The following CSMD1 variants were observed in gnomAD, a reference collection of about 807,000 sequenced individuals.
The protein encoded by CSMD1 is CUB and Sushi multiple domains 1.
Under a neutral mutation model 417.5 loss-of-function variants are expected in CSMD1, and 213 were observed. The ratio of observed to expected loss-of-function variants is 0.51; its 90% confidence interval spans 0.46 to 0.57. The LOEUF is 0.57. Ranked by LOEUF, CSMD1 falls within the 20% of genes least tolerant of loss-of-function variation. The probability of loss-of-function intolerance (pLI) is 0.00; values close to 1 mark genes in which losing one functional copy is unlikely to be tolerated. For missense variants in CSMD1, 6,923 were observed against 4,529.7 expected, an observed-to-expected ratio of 1.53 and a Z score of -15.17; for synonymous variants, 2,862 against 1,736.8, an observed-to-expected ratio of 1.65 and a Z score of -16.11.
rs137889921 is a variant in CSMD1, at chr8:3,477,285, T to G, written c.1449-8461A>C. 7.9e-5 allele frequency among the ~76,000 whole-genome samples: 12 copies of G among 152,304 alleles called. No individual in the cohort carries two copies. In the East Asian group the frequency reaches 2.3e-3, roughly 29 times the overall value. On this transcript the variant is annotated intron_variant, in intron 11 of 69. Transcript: ENST00000635120. ...ATGTGCTAAACCTTTAATATACTCA[T>G]TACAGTTGAAAATTTGACAATGGAA...
At chr8:4,565,048 C>G (rs1408473331) in intron 2 of CSMD1, among the ~76,000 whole-genome samples, 1 of 152,122 alleles carries the variant, frequency 6.6e-6, no homozygotes, top group Admixed American at 6.5e-5. Flanking sequence ...ATTTCAAGGC[C>G]TAGATTTAAG....
chr8:3,822,942 G>A (rs562016655), intron 5 of CSMD1, among the ~76,000 whole-genome samples: 1 of 152,122 alleles, frequency 6.6e-6, no homozygotes, highest in Non-Finnish European at 1.5e-5. Context: ...TTCTATCCCT[G>A]GGCTAAGAAA....
At position 4,584,061 on chromosome 8, in the gene CSMD1, G is replaced by T. The variant is rs142562493; in HGVS notation, c.302+53281C>A. On this transcript the variant is annotated intron_variant, in intron 2 of 69. Transcript: ENST00000635120. The stretch of plus-strand genomic sequence containing the variant: ...ATAACACTCACTACGAAGGTCTGCA[G>T]TTTCACTCCTGAGCCAGCAAGACCA... 6.4e-3 allele frequency among the ~76,000 whole-genome samples: 978 copies of T among 151,960 alleles called. 53 individuals carry two copies. In the East Asian group the frequency reaches 0.14, roughly 22 times the overall value.
chr8:3,544,452 C>T (rs375353728), intron 10 of CSMD1, among the ~76,000 whole-genome samples: 19 of 152,040 alleles, frequency 1.2e-4, no homozygotes, highest in African/African-American at 1.9e-4. Flanking sequence ...CTCTCGGGAA[C>T]GCCTTACTCT....
intron 1 of CSMD1, among the ~76,000 whole-genome samples, chr8:4,811,778 G>C (rs1446493151): frequency 1.3e-5 from 2 of 151,772 alleles, no homozygotes; most frequent in African/African-American, 4.8e-5. Flanking sequence ...GTTTATTTTA[G>C]GAATATGGTT....
At chr8:4,041,492 A>G (rs2130637690) in intron 3 of CSMD1, among the ~76,000 whole-genome samples, 1 of 152,318 alleles carries the variant, frequency 6.6e-6, no homozygotes, top group African/African-American at 2.4e-5. Flanking sequence ...TGTTCCACAA[A>G]TAGTCAACCA....
chr8:3,584,428 C>G (rs1800512412), intron 9 of CSMD1, among the ~76,000 whole-genome samples: 1 of 152,188 alleles, frequency 6.6e-6, no homozygotes, highest in South Asian at 2.1e-4. Context: ...AAAGAATCCT[C>G]TTCTAATTAT....
rs1025170387 is a variant in CSMD1 at position 4,268,010 on chromosome 8, G to A, written c.415+151943C>T. ...TGAGATGGTGGAGGGGAGCAGATAGGAATAAGACATATATACGAGGTCATT... is the reference window on the plus strand; with the variant it reads ...TGAGATGGTGGAGGGGAGCAGATAGAAATAAGACATATATACGAGGTCATT... On this transcript the variant is annotated intron_variant, in intron 3 of 69. Transcript: ENST00000635120. Among the ~76,000 whole-genome samples, 4 of 152,018 alleles carry A rather than the reference G, an allele frequency of 2.6e-5. No individual in the cohort carries two copies. The South Asian group carries it at 6.2e-4, about 24-fold the overall frequency.
intron 1 of CSMD1, among the ~76,000 whole-genome samples, chr8:4,920,092 G>A (rs565467956): frequency 6.6e-6 from 1 of 152,142 alleles, no homozygotes; most frequent in South Asian, 2.1e-4. Context: ...ACAAATAGAA[G>A]ACAATGTTGA....
chr8:4,398,581 G>A (rs1019968130), intron 3 of CSMD1, among the ~76,000 whole-genome samples: 26 of 151,732 alleles, frequency 1.7e-4, no homozygotes, highest in African/African-American at 5.8e-4. Flanking sequence ...ATTTTTAGTA[G>A]AGACGGGGTT....
chr8:3,496,491 G>A (rs1796370438), intron 10 of CSMD1, among the ~76,000 whole-genome samples: 2 of 152,256 alleles, frequency 1.3e-5, no homozygotes, highest in Middle Eastern at 3.4e-3. Flanking sequence ...TTTGATATAG[G>A]TGTTTAATGC....
intron 26 of CSMD1, among the ~76,000 whole-genome samples, chr8:3,240,639 A>C (rs948193597): frequency 6.6e-6 from 1 of 152,114 alleles, no homozygotes; most frequent in Non-Finnish European, 1.5e-5. Context: ...GGTCAGTCCA[A>C]GAGAAAGTGA....
Position 3,777,594 on chromosome 8 carries a change from G to C in CSMD1, c.819-23552C>G, listed in dbSNP as rs1022471327. On this transcript the variant is annotated intron_variant, in intron 5 of 69. Coordinates refer to ENST00000635120, the MANE Select transcript of CSMD1 (RefSeq NM_033225.6). ...GGAGACAAGCTGCCATACGGAAGCA[G>C]TCTCAGAATGAGATGCCTCCCCCAC... 6.6e-5 allele frequency among the ~76,000 whole-genome samples: 10 copies of C among 152,308 alleles called. No homozygotes were observed. In the South Asian group the frequency reaches 1.7e-3, roughly 25 times the overall value.
chr8:4,791,527 A>G (rs1300277234), intron 1 of CSMD1, among the ~76,000 whole-genome samples: 11 of 152,214 alleles, frequency 7.2e-5, no homozygotes, highest in African/African-American at 1.9e-4. Flanking sequence ...CTAAAGTTGT[A>G]TAAGAGCCAC....
chr8:3,316,422 T>C (rs895068123), intron 23 of CSMD1, among the ~76,000 whole-genome samples: 1 of 152,062 alleles, frequency 6.6e-6, no homozygotes. Context: ...GAATGACAGA[T>C]AGGAAATAAA....
intron 29 of CSMD1, among the ~76,000 whole-genome samples, chr8:3,214,911 T>G (rs1000378869): frequency 1.3e-5 from 2 of 152,186 alleles, no homozygotes; most frequent in African/African-American, 4.8e-5. Flanking sequence ...ATATTTCCAT[T>G]TTAAAAACCA....
At chr8:3,621,362 A>C (rs2449231) in intron 7 of CSMD1, among the ~76,000 whole-genome samples, 110,886 of 151,994 alleles carry the variant, frequency 0.73, 40,832 homozygotes, top group African/African-American at 0.82. Flanking sequence ...TAAGGACACA[A>C]AGAGGTTAAA....
At chr8:3,734,273 G>C (rs1796413686) in intron 6 of CSMD1, among the ~76,000 whole-genome samples, 1 of 152,194 alleles carries the variant, frequency 6.6e-6, no homozygotes, top group African/African-American at 2.4e-5. Flanking sequence ...TCATCTCCCA[G>C]TGTCTCCCTA....
intron 11 of CSMD1, among the ~76,000 whole-genome samples, chr8:3,490,678 G>A (rs1378501819): frequency 1.3e-5 from 2 of 152,050 alleles, no homozygotes; most frequent in Non-Finnish European, 2.9e-5. Context: ...CAGGGTCATG[G>A]GGATAGCAAA....
Sources: gnomAD v4.1 joint callset for allele counts (sites outside exome capture counted in the v4.1 genomes callset) on GRCh38, gnomAD v4.1.1 for gene constraint, MANE v1.5 for transcripts, NCBI Gene and HGNC (gene_info 2026-07-23, HGNC 2026-07-21) for gene names.